The following DHX57 variants were observed in gnomAD, a reference collection of about 807,000 sequenced individuals.
DHX57 encodes the protein putative ATP-dependent RNA helicase DHX57.
A neutral mutation model predicts 156.2 loss-of-function variants in DHX57; 105 were observed. The ratio of observed to expected loss-of-function variants is 0.67; its 90% CI spans 0.57 to 0.79. The LOEUF (loss-of-function observed/expected upper bound fraction) is 0.79. Ranked by LOEUF, DHX57 falls within the 30% of genes least tolerant of loss-of-function variation. The probability of loss-of-function intolerance (pLI) is 0.00; values close to 1 mark genes in which losing one functional copy is unlikely to be tolerated. For synonymous variants in DHX57, 704 were observed against 595.6 expected (o/e 1.18, Z -2.65); for missense variants, 1,847 against 1,661.9 (o/e 1.11, Z -1.94).
At chr2:38,848,501 T>G in intron 9 of DHX57, 99 bp from the exon 10 acceptor site, 1 of 1,263,586 alleles carries the variant, frequency 7.9e-7, no homozygotes, top group Non-Finnish European at 1.1e-6. Context: ...GTAAGATCTC[T>G]GTGAAAAAAA....
rs561978846 is a variant in DHX57 at position 38,831,707 on chromosome 2, A to G, written c.2543-3271T>C. Among the ~76,000 whole-genome samples, 11 of 151,950 alleles carry G rather than the reference A, an allele frequency of 7.2e-5. No homozygotes were observed. In the South Asian group the frequency reaches 2.3e-3, roughly 32 times the overall value. ...CTGTCTCTACTAAAAAAACAAAAAA[A>G]TTAGCCGGGCATGGTGGCGTGCACC... On this transcript the variant is annotated intron_variant, in intron 13 of 23. Transcript: ENST00000457308.
intron 1 of DHX57, among the ~76,000 whole-genome samples, chr2:38,873,289 C>G (rs1665440489): frequency 6.6e-6 from 1 of 152,076 alleles, no homozygotes; most frequent in African/African-American, 2.4e-5. Flanking sequence ...CTGTGCCCAG[C>G]CATAAACCTC....
chr2:38,845,855 T>C (rs902003037), intron 11 of DHX57, among the ~76,000 whole-genome samples: 4 of 149,924 alleles, frequency 2.7e-5, no homozygotes, highest in Non-Finnish European at 5.9e-5. Flanking sequence ...ATGATGATAA[T>C]AATAGCTAAC....
intron 16 of DHX57, among the ~76,000 whole-genome samples, chr2:38,823,605 A>T (rs1197811191): frequency 6.6e-6 from 1 of 152,168 alleles, no homozygotes; most frequent in East Asian, 1.9e-4. Flanking sequence ...ATGTAAAATG[A>T]TGCAGCCACT....
intron 19 of DHX57, among the ~76,000 whole-genome samples, chr2:38,818,119 T>C (rs1182430933): frequency 6.6e-6 from 1 of 152,190 alleles, no homozygotes; most frequent in African/African-American, 2.4e-5. Context: ...GAGATGGCCA[T>C]GGACCCCTCT....
chr2:38,802,288 C>CTT (rs35572458), intron 23 of DHX57, among the ~76,000 whole-genome samples: 1,483 of 131,644 alleles, frequency 0.011, 22 homozygotes, highest in East Asian at 0.065. Flanking sequence ...CCATCATTCA[C>CTT]TTTTTTTTTT....
intron 22 of DHX57, chr2:38,803,148 T>A (rs1249297278): frequency 7.8e-6 from 4 of 510,382 alleles, no homozygotes; most frequent in Non-Finnish European, 1.0e-5. Context: ...TTTTATTTTT[T>A]AAATTTTTTC....
intron 14 of DHX57, 128 bp downstream of exon 14, chr2:38,828,212 T>C (rs1671202714): frequency 1.7e-6 from 1 of 589,138 alleles, no homozygotes; most frequent in Non-Finnish European, 2.7e-6. Context: ...ATAGGTTTGC[T>C]CATTTCCAGC....
chr2:38,843,010 T>C lies in DHX57; in HGVS notation c.2420A>G (p.Tyr807Cys), dbSNP rs747186753. 1.4e-5 allele frequency: 23 copies of C among 1,614,096 alleles called. No individual in the cohort carries two copies. The highest frequency in any genetic ancestry group is 3.3e-5 in the South Asian group (3 of 91,080). Residue 807 changes from tyrosine (Y) to cysteine (C), a missense_variant, in exon 12 of 24, where the codon TAT becomes TGT. Coordinates refer to ENST00000457308, the MANE Select transcript of DHX57 (RefSeq NM_198963.3). ...TCCCCCAAGAGGCATGTTACCTTTA[T>C]AGCGGGCCAGGAGCTGCTTAAAATC... ...QLDFKQLLARYKGVSKSVIKT... is the reference protein window; with the variant it reads ...QLDFKQLLARCKGVSKSVIKT...
chr2:38,846,851 G>A (rs1487383482), intron 11 of DHX57, among the ~76,000 whole-genome samples, 168 bp downstream of exon 11: 1 of 151,824 alleles, frequency 6.6e-6, no homozygotes, highest in East Asian at 1.9e-4. Context: ...AAGTTTCACT[G>A]AATCTTTTTT....
At position 38,860,972 on chromosome 2, in the gene DHX57, C is replaced by G. The variant is rs376794731; in HGVS notation, c.1411+27G>C. The G allele has an allele frequency of 2.5e-6, 4 of 1,581,998 alleles. No homozygotes were observed. The African/African-American group carries it at 5.4e-5, about 21-fold the overall frequency. Reference sequence around the variant, plus strand: ...CTAAACCCATCATTCTGAATGCCTCCCTCCACAAGATCAATGCCTTACATA... The same window carrying G: ...CTAAACCCATCATTCTGAATGCCTCGCTCCACAAGATCAATGCCTTACATA... On this transcript the variant is annotated intron_variant, in intron 5 of 23. Transcript: ENST00000457308.
intron 9 of DHX57, among the ~76,000 whole-genome samples, chr2:38,848,923 G>C (rs1020667262): frequency 2.0e-5 from 3 of 152,118 alleles, no homozygotes; most frequent in Admixed American, 6.6e-5. Flanking sequence ...TGCTCAACCT[G>C]TATAAAGATA....
chr2:38,838,907 T>G (rs1218050889), intron 12 of DHX57: 1 of 308,896 alleles, frequency 3.2e-6, no homozygotes, highest in Non-Finnish European at 6.4e-6. Context: ...TAGGATGTAC[T>G]ACAAGCCTCG....
chr2:38,823,881 G>A (rs936575892), intron 16 of DHX57, among the ~76,000 whole-genome samples: 2 of 152,092 alleles, frequency 1.3e-5, no homozygotes, highest in Non-Finnish European at 2.9e-5. Context: ...GCATGGTGAT[G>A]TGCACATGTA....
intron 21 of DHX57, chr2:38,811,487 G>C (rs1337441281): frequency 1.3e-6 from 1 of 743,034 alleles, no homozygotes; most frequent in Non-Finnish European, 2.4e-6. Context: ...ACACCTTTTT[G>C]GACCCAAGGT....
chr2:38,824,033 G>T (rs748602387), intron 16 of DHX57, among the ~76,000 whole-genome samples: 16 of 151,490 alleles, frequency 1.1e-4, no homozygotes, highest in Non-Finnish European at 4.4e-5. Context: ...AAAGAATCTT[G>T]CAGAACAGAG....
chr2:38,864,142 A>T lies in DHX57; in HGVS notation c.225-623T>A, dbSNP rs17604815. 1.6e-3 allele frequency among the ~76,000 whole-genome samples: 243 copies of T among 152,062 alleles called. 6 individuals carry two copies. The East Asian group carries it at 0.023, about 14-fold the overall frequency. Reference sequence around the variant, plus strand: ...CACTATAGGACATGAAGAGCATTTCATTTCATTCTGCATTAAAATCTGAAA... The same window carrying T: ...CACTATAGGACATGAAGAGCATTTCTTTTCATTCTGCATTAAAATCTGAAA... On this transcript the variant is annotated intron_variant, in intron 2 of 23. Transcript: ENST00000457308.
At chr2:38,874,264 A>AT (rs1665490599) in intron 1 of DHX57, among the ~76,000 whole-genome samples, 1 of 150,450 alleles carries the variant, frequency 6.6e-6, no homozygotes, top group Non-Finnish European at 1.5e-5. Flanking sequence ...TACTTTAAAC[A>AT]TTTTTTAGTA....
In DHX57 at chr2:38,825,741, C is replaced by T. The variant is rs144335881; in HGVS notation, c.3014+106G>A. 2.1e-3 allele frequency: 2,352 copies of T among 1,133,278 alleles called. 18 individuals carry two copies. Among genetic ancestry groups the T allele is most frequent in the East Asian group, 0.012 (489 of 40,178 alleles). 70.2% of individuals were successfully genotyped at this position (1,133,278 alleles called of 1,614,324 possible). A position where few individuals can be genotyped will look rare whatever the true frequency, so the allele number is the denominator to read the frequency against. On this transcript the variant is annotated intron_variant, in intron 16 of 23. Transcript: ENST00000457308. ...ACAAATAAATGAGATTATTGGTGGT[C>T]ATTCTTAGCCAAATATCTTCTAGAA...
Sources: gnomAD v4.1 joint callset for allele counts (sites outside exome capture counted in the v4.1 genomes callset) on GRCh38, gnomAD v4.1.1 for gene constraint, MANE v1.5 for transcripts, NCBI Gene and HGNC (gene_info 2026-07-23, HGNC 2026-07-21) for gene names.